RETREG1: variants seen among roughly 807,000 people sequenced by gnomAD.
RETREG1 encodes reticulophagy regulator 1.
In RETREG1, 44 loss-of-function variants were observed where a neutral mutation model predicts 54.8. The ratio of observed to expected loss-of-function variants is 0.80; its 90% CI spans 0.63 to 1.03. RETREG1 has a LOEUF of 1.03. Ranked by LOEUF, RETREG1 falls within the 50% of genes least tolerant of loss-of-function variation. The probability of loss-of-function intolerance (pLI) is 0.00; values close to 1 mark genes in which losing one functional copy is unlikely to be tolerated. For missense variants in RETREG1, 554 were observed against 605.1 expected (o/e 0.92, Z 0.89); for synonymous variants, 217 against 238.5 (o/e 0.91, Z 0.83).
chr5:16,478,246 A>G, intron 6 of RETREG1, 148 bp from the exon 7 acceptor site: 1 of 635,324 alleles, frequency 1.6e-6, no homozygotes, highest in Non-Finnish European at 2.8e-6. Flanking sequence ...AATATAATTA[A>G]ATGTTTGCAC....
intron 1 of RETREG1, among the ~76,000 whole-genome samples, chr5:16,579,564 T>G (rs748911170): frequency 2.0e-5 from 3 of 152,220 alleles, no homozygotes; most frequent in Non-Finnish European, 4.4e-5. Flanking sequence ...TATAGTATCA[T>G]ACAGAATAGT....
chr5:16,578,123 C>T (rs1742385258), intron 1 of RETREG1, among the ~76,000 whole-genome samples: 2 of 152,144 alleles, frequency 1.3e-5, no homozygotes, highest in Admixed American at 6.5e-5. Context: ...TTATTCAGGT[C>T]GCCTCTCAGG....
chr5:16,562,511 A>T (rs1741884392), intron 3 of RETREG1, among the ~76,000 whole-genome samples: 1 of 152,142 alleles, frequency 6.6e-6, no homozygotes. Context: ...AACAGCCTTC[A>T]GATCTTAAGT....
At chr5:16,504,624 G>C (rs893270766) in intron 3 of RETREG1, among the ~76,000 whole-genome samples, 1 of 152,036 alleles carries the variant, frequency 6.6e-6, no homozygotes, top group African/African-American at 2.4e-5. Context: ...AAACACACCC[G>C]GGGTATCGCC....
intron 1 of RETREG1, among the ~76,000 whole-genome samples, chr5:16,591,545 C>A (rs878887218): frequency 6.6e-6 from 1 of 152,176 alleles, no homozygotes; most frequent in Admixed American, 6.5e-5. Context: ...AGAAGTGTTA[C>A]CACCCCCTCC....
chr5:16,476,391 A>G (rs554835080), intron 8 of RETREG1, among the ~76,000 whole-genome samples: 1 of 152,346 alleles, frequency 6.6e-6, no homozygotes, highest in Non-Finnish European at 1.5e-5. Context: ...AAGGTAATCC[A>G]GTGAGACTAA....
chr5:16,540,475 T>C (rs1741209370), intron 3 of RETREG1, among the ~76,000 whole-genome samples: 1 of 152,228 alleles, frequency 6.6e-6, no homozygotes, highest in African/African-American at 2.4e-5. Context: ...TCTTAAAAAC[T>C]GAGAATCTCA....
intron 3 of RETREG1, among the ~76,000 whole-genome samples, chr5:16,496,210 A>G (rs1052060276): frequency 2.6e-5 from 4 of 152,222 alleles, no homozygotes; most frequent in African/African-American, 7.2e-5. Flanking sequence ...GTATTACAAT[A>G]TAGGTTTTCC....
At chr5:16,604,519 C>G (rs537522277) in intron 1 of RETREG1, among the ~76,000 whole-genome samples, 1 of 152,350 alleles carries the variant, frequency 6.6e-6, no homozygotes, top group Non-Finnish European at 1.5e-5. Flanking sequence ...GCTGAATACA[C>G]AATAGCCACA....
intron 3 of RETREG1, among the ~76,000 whole-genome samples, chr5:16,530,597 G>C (rs1579654031): frequency 6.6e-6 from 1 of 152,168 alleles, no homozygotes; most frequent in Non-Finnish European, 1.5e-5. Context: ...TGAGGGCCGG[G>C]CACAGTGACT....
chr5:16,567,266 G>T (rs1165940219), intron 2 of RETREG1, among the ~76,000 whole-genome samples: 1 of 152,116 alleles, frequency 6.6e-6, no homozygotes, highest in African/African-American at 2.4e-5. Flanking sequence ...GGCATGAAAG[G>T]CCAGGGAGGA....
chr5:16,538,653 G>A (rs1466985276), intron 3 of RETREG1, among the ~76,000 whole-genome samples: 3 of 151,964 alleles, frequency 2.0e-5, no homozygotes, highest in African/African-American at 4.8e-5. Context: ...TTTCCAGTGG[G>A]GTCACAGACA....
At chr5:16,563,937 A>G (rs1294353937) in intron 3 of RETREG1, among the ~76,000 whole-genome samples, 2 of 152,198 alleles carry the variant, frequency 1.3e-5, no homozygotes. Context: ...CATCATATCC[A>G]TTGACAATAT....
At chr5:16,616,435 A>C in intron 1 of RETREG1, 6 of 837,118 alleles carry the variant, frequency 7.2e-6, no homozygotes, top group Non-Finnish European at 1.0e-5. Flanking sequence ...CTGGATCCGC[A>C]CACGGAGAAC....
intron 3 of RETREG1, among the ~76,000 whole-genome samples, chr5:16,484,387 T>C (rs1330697345): frequency 6.6e-6 from 1 of 152,180 alleles, no homozygotes; most frequent in Non-Finnish European, 1.5e-5. Context: ...ATTCATTCAT[T>C]TAAGAGATTA....
At chr5:16,484,043 T>A (rs1396236687) in intron 3 of RETREG1, among the ~76,000 whole-genome samples, 1 of 152,120 alleles carries the variant, frequency 6.6e-6, no homozygotes. Flanking sequence ...ATACCAACAA[T>A]GTATTTTCAA....
chr5:16,513,676 G>A (rs1031371213), intron 3 of RETREG1, among the ~76,000 whole-genome samples: 1 of 152,190 alleles, frequency 6.6e-6, no homozygotes, highest in African/African-American at 2.4e-5. Context: ...TCCATGGTGG[G>A]CATTTCAAGT....
chr5:16,480,547 C>T (rs1237904639), intron 5 of RETREG1, among the ~76,000 whole-genome samples: 1 of 152,124 alleles, frequency 6.6e-6, no homozygotes, highest in Admixed American at 6.5e-5. Context: ...GTGATTTTAA[C>T]ATTCTACCTA....
At chr5:16,488,608 G>C (rs935782996) in intron 3 of RETREG1, among the ~76,000 whole-genome samples, 3 of 152,178 alleles carry the variant, frequency 2.0e-5, no homozygotes, top group African/African-American at 7.2e-5. Flanking sequence ...GGCCAGGAAA[G>C]AGCCATCAGA....
Sources: gnomAD v4.1 joint callset for allele counts (sites outside exome capture counted in the v4.1 genomes callset) on GRCh38, gnomAD v4.1.1 for gene constraint, MANE v1.5 for transcripts, NCBI Gene and HGNC (gene_info 2026-07-23, HGNC 2026-07-21) for gene names.